SFXN4: variants seen among roughly 807,000 people sequenced by gnomAD.
The protein encoded by SFXN4 is sideroflexin-4.
In SFXN4, 48 loss-of-function variants were observed where a neutral mutation model predicts 54.6. That is an observed-to-expected ratio of 0.88 (90% CI 0.70 to 1.12). SFXN4 has a LOEUF of 1.12. Among genes scored for constraint, SFXN4 ranks in the 50% most tolerant of loss-of-function variants. The pLI, the probability that SFXN4 is intolerant of heterozygous loss-of-function variation, is 0.00. For synonymous variants in SFXN4, 130 were observed against 145.5 expected, an observed-to-expected ratio of 0.89 and a Z score of 0.77; for missense variants, 383 against 409.2, an observed-to-expected ratio of 0.94 and a Z score of 0.55.
Position 119,156,565 on chromosome 10 carries a change from C to T in SFXN4, c.616+113G>A, listed in dbSNP as rs1325058092. ...GGGCCTGCCGGGCTGCAAAGGCCAC[C>T]TGTCATCAGTCACAATGTGCCAAGG... On this transcript the variant is annotated intron_variant, in intron 10 of 13. Coordinates refer to ENST00000355697, the MANE Select transcript of SFXN4 (RefSeq NM_213649.2). 4.8e-6 allele frequency: 4 copies of T among 837,866 alleles called. No homozygotes were observed. In the East Asian group the frequency reaches 1.1e-4, roughly 22 times the overall value. The allele number at this position is 837,866 out of a possible 1,614,324, so 51.9% of individuals were successfully genotyped here. A position where few individuals can be genotyped will look rare whatever the true frequency, so the allele number is the denominator to read the frequency against.
intron 6 of SFXN4, among the ~76,000 whole-genome samples, chr10:119,158,873 C>T (rs1847391243): frequency 6.6e-6 from 1 of 152,194 alleles, no homozygotes; most frequent in Admixed American, 6.5e-5. Flanking sequence ...TTCCCACCTA[C>T]TCAGGAGGCT....
intron 5 of SFXN4, among the ~76,000 whole-genome samples, chr10:119,160,248 C>T (rs1359318328): frequency 6.6e-6 from 1 of 151,990 alleles, no homozygotes; most frequent in Non-Finnish European, 1.5e-5. Context: ...GTGGCTCACG[C>T]CTGTAATTCC....
intron 11 of SFXN4, among the ~76,000 whole-genome samples, chr10:119,149,324 C>T (rs1273847694): frequency 6.6e-6 from 1 of 152,178 alleles, no homozygotes; most frequent in East Asian, 1.9e-4. Flanking sequence ...GCTCCTCCTA[C>T]CACCCGGCCC....
chr10:119,154,938 C>A, intron 11 of SFXN4, 124 bp downstream of exon 11: 1 of 652,634 alleles, frequency 1.5e-6, no homozygotes, highest in South Asian at 1.9e-5. Flanking sequence ...TCTCTCTCAG[C>A]ATGCTAAGGA....
intron 10 of SFXN4, 152 bp downstream of exon 10, chr10:119,156,526 T>C: frequency 1.5e-6 from 1 of 665,434 alleles, no homozygotes; most frequent in South Asian, 1.7e-5. Context: ...ACCAAAGACC[T>C]GATTTGGGCT....
chr10:119,142,625 A>G (rs1294589426), intron 13 of SFXN4, among the ~76,000 whole-genome samples: 1 of 141,768 alleles, frequency 7.1e-6, no homozygotes, highest in Non-Finnish European at 1.5e-5. Flanking sequence ...ACCTCGGCTC[A>G]CTGCAAGCTC....
intron 4 of SFXN4, 30 bp from the exon 5 acceptor site, chr10:119,160,999 G>C (rs1375702760): frequency 6.2e-7 from 1 of 1,614,102 alleles, no homozygotes; most frequent in Admixed American, 1.7e-5. Context: ...AGGTTAGCTG[G>C]ATGTCTGGTT....
At chr10:119,147,547 C>T (rs181150252) in intron 12 of SFXN4, among the ~76,000 whole-genome samples, 124 of 152,204 alleles carry the variant, frequency 8.1e-4, no homozygotes, top group African/African-American at 2.7e-3. Context: ...GCCAAGGACA[C>T]GGGGTAACTG....
In SFXN4 at chr10:119,165,706, G is replaced by A; in HGVS notation, c.-59C>T. ...CCGCGCGTGGAGGAGGAGCCGGGCG[G>A]CGAGCCCCGCCCCGGGCCGCGCGCA... On this transcript the variant is annotated 5_prime_UTR_variant, in exon 1 of 14. Transcript: ENST00000355697. The A allele has an allele frequency of 3.8e-6, 5 of 1,330,594 alleles. No individual in the cohort carries two copies. Among genetic ancestry groups the A allele is most frequent in the Non-Finnish European group, 4.9e-6 (5 of 1,018,772 alleles). The allele number at this position is 1,330,594 out of a possible 1,614,324, so 82.4% of individuals were successfully genotyped here. A position where few individuals can be genotyped will look rare whatever the true frequency, so the allele number is the denominator to read the frequency against.
chr10:119,157,556 A>G, intron 9 of SFXN4, 112 bp downstream of exon 9: 1 of 845,800 alleles, frequency 1.2e-6, no homozygotes, highest in Non-Finnish European at 1.8e-6. Context: ...TTTATTTCCT[A>G]GTCATATTTT....
At chr10:119,155,450 G>A (rs1324290259) in intron 10 of SFXN4, among the ~76,000 whole-genome samples, 1 of 152,148 alleles carries the variant, frequency 6.6e-6, no homozygotes, top group Non-Finnish European at 1.5e-5. Flanking sequence ...CGGATTCTAG[G>A]AGAAACCCTG....
At position 119,165,711 on chromosome 10, in the gene SFXN4, C is replaced by G; in HGVS notation, c.-64G>C. The G allele has an allele frequency of 1.6e-6, 2 of 1,269,560 alleles. No homozygotes were observed. Among genetic ancestry groups the G allele is most frequent in the Non-Finnish European group, 2.0e-6 (2 of 980,400 alleles). The allele number at this position is 1,269,560 out of a possible 1,614,324, so 78.6% of individuals were successfully genotyped here. Reference sequence around the variant, plus strand: ...CGTGGAGGAGGAGCCGGGCGGCGAGCCCCGCCCCGGGCCGCGCGCACCCGC... The same window carrying G: ...CGTGGAGGAGGAGCCGGGCGGCGAGGCCCGCCCCGGGCCGCGCGCACCCGC... On this transcript the variant is annotated 5_prime_UTR_variant, in exon 1 of 14. Coordinates refer to ENST00000355697, the MANE Select transcript of SFXN4 (RefSeq NM_213649.2).
At chr10:119,143,578 AG>A (rs1419363332) in intron 13 of SFXN4, among the ~76,000 whole-genome samples, 4 of 151,870 alleles carry the variant, frequency 2.6e-5, no homozygotes, top group African/African-American at 9.7e-5. Flanking sequence ...CCTGAGCTCA[AG>A]TGATCCTCCC....
intron 1 of SFXN4, 88 bp from the exon 2 acceptor site, chr10:119,164,284 C>G: frequency 3.6e-6 from 1 of 277,918 alleles, no homozygotes; most frequent in Non-Finnish European, 5.7e-6. Context: ...TTTTTTTTTT[C>G]TGAGAACCTG....
Position 119,150,983 on chromosome 10 carries a change from AATCTCAAAC to A in SFXN4, c.733-3132_733-3124del, listed in dbSNP as rs368120087. ...AGCAACATGTGGTACAAGACGGATG[AATCTCAAAC>A]GTGAAAGAAGCAAGACACAAAAAAC... On this transcript the variant is annotated intron_variant, in intron 11 of 13. Coordinates refer to ENST00000355697, the MANE Select transcript of SFXN4 (RefSeq NM_213649.2). 5.7e-3 allele frequency among the ~76,000 whole-genome samples: 863 copies of A among 152,336 alleles called. 8 individuals carry two copies. Among genetic ancestry groups the A allele is most frequent in the African/African-American group, 0.02 (831 of 41,592 alleles).
intron 1 of SFXN4, 168 bp downstream of exon 1, chr10:119,165,369 C>T: frequency 7.6e-7 from 1 of 1,321,564 alleles, no homozygotes; most frequent in East Asian, 3.3e-5. Context: ...CCTGCCGCGC[C>T]CTAAGGGGTG....
chr10:119,164,490 C>T (rs1554889435), intron 1 of SFXN4, among the ~76,000 whole-genome samples: 2 of 152,126 alleles, frequency 1.3e-5, no homozygotes, highest in Non-Finnish European at 2.9e-5. Context: ...AAATCCCAGA[C>T]TTTGGGGGTT....
chr10:119,157,425 T>C (rs1847316565), intron 9 of SFXN4, among the ~76,000 whole-genome samples: 1 of 103,976 alleles, frequency 9.6e-6, no homozygotes, highest in African/African-American at 4.4e-5. Context: ...AGCAAGACTG[T>C]GTCTCAAAAA....
chr10:119,142,405 T>C (rs986159611), intron 13 of SFXN4, among the ~76,000 whole-genome samples: 4 of 152,122 alleles, frequency 2.6e-5, no homozygotes, highest in African/African-American at 4.8e-5. Context: ...GACCTTATCA[T>C]TATTGATATA....
Sources: allele counts gnomAD v4.1 joint callset (sites outside exome capture counted in the v4.1 genomes callset), GRCh38; gene constraint gnomAD v4.1.1; transcripts MANE v1.5; gene names NCBI Gene and HGNC (gene_info 2026-07-23, HGNC 2026-07-21).